ABCC3: variants seen among roughly 807,000 people sequenced by gnomAD.
ABCC3 encodes ATP-binding cassette sub-family C member 3.
Under a neutral mutation model 165.3 loss-of-function variants are expected in ABCC3, and 121 were observed. That is an observed-to-expected ratio of 0.73 (90% CI 0.63 to 0.85). ABCC3 has a LOEUF of 0.85. Ranked by LOEUF, ABCC3 falls within the 40% of genes least tolerant of loss-of-function variation. The pLI is 0.00. For missense variants in ABCC3, 1,869 were observed against 1,964.1 expected (o/e 0.95, Z 0.92); for synonymous variants, 733 against 810.1 (o/e 0.90, Z 1.62).
chr17:50,675,367 G>A lies in ABCC3; in HGVS notation c.2605G>A (p.Glu869Lys). 6.2e-7 allele frequency: 1 copy of A among 1,611,196 alleles called. No homozygotes were observed. The highest frequency in any genetic ancestry group is 8.5e-7 in the Non-Finnish European group (1 of 1,178,400). The change falls in exon 20 of 31, where the codon GAA becomes AAA. Residue 869 changes from glutamate (E) to lysine (K), a missense_variant. Physicochemically the swap from Glu to Lys is moderately conservative, Grantham distance 56 (BLOSUM62 1). Coordinates refer to ENST00000285238, the MANE Select transcript of ABCC3 (RefSeq NM_003786.4). ...TTCCTCCCACCCTACTGCAGCGTTG[G>A]AAGGTGCAGAGGATAAGGAGGCACT... ...GHLEDSWTAL[E>K]GAEDKEALLI...
intron 14 of ABCC3, 53 bp downstream of exon 14, chr17:50,668,570 CCT>C (rs1257156882): frequency 7.6e-6 from 11 of 1,438,574 alleles, no homozygotes; most frequent in South Asian, 1.2e-5. Flanking sequence ...TCCAGAAAAA[CCT>C]CTGTTTCAAG....
rs1288561638 is a variant in ABCC3 at position 50,673,061 on chromosome 17, C to T, written c.2332C>T (p.Leu778=). 3.7e-6 allele frequency: 6 copies of T among 1,614,096 alleles called. No homozygotes were observed. The African/African-American group carries it at 4.0e-5, about 11-fold the overall frequency. ...DADIFLLDDP[L]SAVDSHVAKH... ...CGATATTTTCTTGCTGGATGACCCA[C>T]TGTCCGCGGTGGACTCTCATGTGGC... The change falls in exon 18 of 31, where the codon CTG becomes TTG. Residue 778 remains leucine (L), a synonymous_variant. Coordinates refer to ENST00000285238, the MANE Select transcript of ABCC3 (RefSeq NM_003786.4).
In ABCC3 at chr17:50,659,224, C is replaced by T; in HGVS notation, c.675-13C>T. ...CTCTGCGGGGCTGCCTGCCGGGCTT[C>T]ACCTCCCCCCAGGATGGCCATCTAT... On this transcript the variant is annotated splice_polypyrimidine_tract_variant and intron_variant, in intron 6 of 30. Coordinates refer to ENST00000285238, the MANE Select transcript of ABCC3 (RefSeq NM_003786.4). 1 of 1,612,952 alleles carries T rather than the reference C, an allele frequency of 6.2e-7. No individual in the cohort carries two copies. Among genetic ancestry groups the T allele is most frequent in the South Asian group, 1.1e-5 (1 of 91,018 alleles).
intron 17 of ABCC3, 69 bp downstream of exon 17, chr17:50,669,597 C>T: frequency 6.6e-7 from 1 of 1,520,392 alleles, no homozygotes; most frequent in Non-Finnish European, 9.0e-7. Flanking sequence ...AGCCCAGGTC[C>T]ATATATTCAT....
Position 50,644,996 on chromosome 17 carries a change from C to T in ABCC3, c.45+10015C>T, listed in dbSNP as rs144482047. Among the ~76,000 whole-genome samples, 690 of 150,322 alleles carry T rather than the reference C, an allele frequency of 4.6e-3. 7 individuals are homozygous for T. Among genetic ancestry groups the T allele is most frequent in the African/African-American group, 0.016 (646 of 40,912 alleles). On this transcript the variant is annotated intron_variant, in intron 1 of 30. Coordinates refer to ENST00000285238, the MANE Select transcript of ABCC3 (RefSeq NM_003786.4). ...TCACGCCACTGCACTCCAGCCTGGG[C>T]GACAGAGCGAGACTCCGTCTCAAAA...
rs1967551449 is a variant in ABCC3, at chr17:50,667,619, G to A, written c.1497G>A (p.Lys499=). 1 of 1,614,216 alleles carries A rather than the reference G, an allele frequency of 6.2e-7. No homozygotes were observed. The highest frequency in any genetic ancestry group is 2.2e-5 in the East Asian group (1 of 44,884). Residue 499 remains lysine, a synonymous_variant, in exon 12 of 31, where the codon AAG becomes AAA. Coordinates refer to ENST00000285238, the MANE Select transcript of ABCC3 (RefSeq NM_003786.4). The stretch of plus-strand genomic sequence containing the variant: ...TGAGTGAGATCCTGAACGGCATCAA[G>A]GTGCTGAAGCTGTACGCCTGGGAGC... The part of the protein sequence containing the change: ...KLMSEILNGI[K]VLKLYAWEPS...
At chr17:50,663,601 G>C in intron 8 of ABCC3, 80 bp from the exon 9 acceptor site, 1 of 1,515,428 alleles carries the variant, frequency 6.6e-7, no homozygotes, top group Non-Finnish European at 9.0e-7. Flanking sequence ...TGGAGACTGC[G>C]GGTAAAAGCA....
At chr17:50,649,244 T>C (rs1967063868) in intron 1 of ABCC3, among the ~76,000 whole-genome samples, 2 of 152,196 alleles carry the variant, frequency 1.3e-5, no homozygotes, top group South Asian at 4.2e-4. Flanking sequence ...CCTGAACCAG[T>C]AGAGGTTCAC....
chr17:50,683,963 C>A lies in ABCC3; in HGVS notation c.3969C>A (p.Gly1323=), dbSNP rs1447738171. ...TCTCCGCCCAGGTGGGGATCGTGGG[C>A]CGCACTGGGGCTGGCAAGTCTTCCA... is the stretch of plus-strand genomic sequence containing the variant. ...VHGGEKVGIV[G]RTGAGKSSMT... is the part of the protein sequence containing the mutation. The change falls in exon 28 of 31, where the codon GGC becomes GGA. Residue 1323 remains glycine, a synonymous_variant. Coordinates refer to ENST00000285238, the MANE Select transcript of ABCC3 (RefSeq NM_003786.4). 1 of 1,613,140 alleles carries A rather than the reference C, an allele frequency of 6.2e-7. No individual in the cohort carries two copies. Among genetic ancestry groups the A allele is most frequent in the Non-Finnish European group, 8.5e-7 (1 of 1,179,630 alleles).
intron 1 of ABCC3, among the ~76,000 whole-genome samples, chr17:50,653,358 A>AAAAAAG (rs1177838444): frequency 1.9e-4 from 28 of 151,140 alleles, no homozygotes; most frequent in African/African-American, 5.3e-4. Context: ...AAAAAAAAAA[A>AAAAAAG]AAAAAGAAAA....
At chr17:50,656,680 C>T in intron 2 of ABCC3, 22 bp from the exon 3 acceptor site, 1 of 1,599,730 alleles carries the variant, frequency 6.3e-7, no homozygotes, top group South Asian at 1.1e-5. Context: ...GATGCGGATT[C>T]CAACCTGTGC....
At chr17:50,687,752 A>G (rs1210096352) in intron 30 of ABCC3, 22 bp downstream of exon 30, 5 of 1,606,968 alleles carry the variant, frequency 3.1e-6, no homozygotes, top group Non-Finnish European at 3.4e-6. Flanking sequence ...AAACCTGAGC[A>G]ATGGGGAACC....
intron 1 of ABCC3, among the ~76,000 whole-genome samples, chr17:50,653,667 G>A (rs1313090676): frequency 6.6e-6 from 1 of 151,720 alleles, no homozygotes; most frequent in African/African-American, 2.4e-5. Flanking sequence ...GCAGGAGAAT[G>A]GCTTGAACCT....
In ABCC3 at chr17:50,668,591, T is replaced by C. The variant is rs928263423; in HGVS notation, c.1870+74T>C. The C allele has an allele frequency of 1.1e-5, 14 of 1,258,660 alleles. No homozygotes were observed. In the African/African-American group the frequency reaches 2.1e-4, roughly 19 times the overall value. The allele number at this position is 1,258,660 out of a possible 1,614,324, so 78.0% of individuals were successfully genotyped here. A position where few individuals can be genotyped will look rare whatever the true frequency, so the allele number is the denominator to read the frequency against. ...AAAACCTCTGTTTCAAGCTTTTCCT[T>C]TGTTCTCTCCTGACCCCTTTTCTTC... On this transcript the variant is annotated intron_variant, in intron 14 of 30. Transcript: ENST00000285238.
chr17:50,647,849 G>A (rs771940227), intron 1 of ABCC3, among the ~76,000 whole-genome samples: 21 of 152,240 alleles, frequency 1.4e-4, no homozygotes, highest in Non-Finnish European at 2.5e-4. Flanking sequence ...AACCAGCCTG[G>A]TCAACATGGC....
In ABCC3 at chr17:50,669,134, C is replaced by T; in HGVS notation, c.1938-6C>T. On this transcript the variant is annotated splice_region_variant and splice_polypyrimidine_tract_variant and intron_variant, in intron 15 of 30. Transcript: ENST00000285238. The stretch of plus-strand genomic sequence containing the variant: ...CTAACTGGACTCCTGGGGTCCTTGC[C>T]CCCAGCCTAGACATCCAGGTCCCGA... The T allele has an allele frequency of 6.3e-7, 1 of 1,595,996 alleles. No individual in the cohort carries two copies. Among genetic ancestry groups the T allele is most frequent in the Non-Finnish European group, 8.5e-7 (1 of 1,173,404 alleles).
chr17:50,687,165 C>G (rs1968036480), intron 29 of ABCC3: 1 of 215,774 alleles, frequency 4.6e-6, no homozygotes, highest in Admixed American at 5.2e-5. Context: ...TTGCAAATAT[C>G]CAAGAAGAGC....
In ABCC3 at chr17:50,658,480, T is replaced by G; in HGVS notation, c.658T>G (p.Phe220Val). The G allele has an allele frequency of 6.2e-7, 1 of 1,614,134 alleles. No homozygotes were observed. Reference protein sequence around the residue: ...TSAGFLSRLFFWWFTKMAIYG... With the variant: ...TSAGFLSRLFVWWFTKMAIYG... Reference sequence around the variant, plus strand: ...CGCTGGCTTTCTCTCCCGCCTGTTTTTCTGGTGGTTCACAAAGTGAGTTGG... The same window carrying G: ...CGCTGGCTTTCTCTCCCGCCTGTTTGTCTGGTGGTTCACAAAGTGAGTTGG... Residue 220 changes from phenylalanine to valine, a missense_variant, in exon 6 of 31, where the codon TTC becomes GTC. Phe to Val is a conservative substitution (Grantham distance 50). Coordinates refer to ENST00000285238, the MANE Select transcript of ABCC3 (RefSeq NM_003786.4).
chr17:50,667,577 C>A lies in ABCC3; in HGVS notation c.1455C>A (p.Asp485Glu). The change falls in exon 12 of 31, where the codon GAC (aspartate) becomes GAA (glutamate). Residue 485 changes from aspartate (D) to glutamate (E), a missense_variant. Coordinates refer to ENST00000285238, the MANE Select transcript of ABCC3 (RefSeq NM_003786.4). ...AFQVKQMKLK[D>E]SRIKLMSEIL... is the part of the protein sequence containing the mutation. The stretch of plus-strand genomic sequence containing the variant: ...AGGTAAAGCAAATGAAATTGAAGGA[C>A]TCGCGCATCAAGCTGATGAGTGAGA... 6.2e-7 allele frequency: 1 copy of A among 1,610,652 alleles called. No individual in the cohort carries two copies. The highest frequency in any genetic ancestry group is 1.1e-5 in the South Asian group (1 of 91,048).
Sources: allele counts gnomAD v4.1 joint callset (sites outside exome capture counted in the v4.1 genomes callset), GRCh38; gene constraint gnomAD v4.1.1; transcripts MANE v1.5; gene names NCBI Gene and HGNC (gene_info 2026-07-23, HGNC 2026-07-21).